Variants in GPC5 observed in about 807,000 individuals in gnomAD.
GPC5 encodes the protein glypican 5.
Under a neutral mutation model 53.9 loss-of-function variants are expected in GPC5, and 47 were observed. The observed-to-expected ratio is 0.87, with a 90% CI of 0.69 to 1.11. The LOEUF (loss-of-function observed/expected upper bound fraction) is 1.11, where lower values mean the gene tolerates loss of function less well. GPC5 is among the 50% of genes most tolerant of loss of function. The probability of loss-of-function intolerance (pLI) is 0.00; values close to 1 mark genes in which losing one functional copy is unlikely to be tolerated. For synonymous variants in GPC5, 286 were observed against 263.3 expected (o/e 1.09, Z -0.84); for missense variants, 748 against 713.1 (o/e 1.05, Z -0.56).
intron 7 of GPC5, among the ~76,000 whole-genome samples, chr13:92,522,779 G>A (rs1881114388): frequency 6.6e-6 from 1 of 151,778 alleles, no homozygotes; most frequent in Non-Finnish European, 1.5e-5. Flanking sequence ...AAAAATAGTT[G>A]AAAATAAAAA....
At chr13:91,944,075 ATTTCTT>A (rs919608950) in intron 6 of GPC5, among the ~76,000 whole-genome samples, 5 of 151,528 alleles carry the variant, frequency 3.3e-5, no homozygotes. Flanking sequence ...GTGGCAGGAT[ATTTCTT>A]TTTCTTTTTC....
chr13:91,849,307 CTTGT>C (rs1404822917), intron 5 of GPC5, among the ~76,000 whole-genome samples: 3 of 152,156 alleles, frequency 2.0e-5, no homozygotes, highest in Non-Finnish European at 4.4e-5. Context: ...ACTTTCCAGG[CTTGT>C]TTATCCCAGA....
chr13:92,804,201 C>A (rs989930275), intron 7 of GPC5, among the ~76,000 whole-genome samples: 19 of 151,912 alleles, frequency 1.3e-4, no homozygotes, highest in Admixed American at 7.9e-4. Flanking sequence ...TCTTCTAGAG[C>A]CCTTGGATGA....
At chr13:92,566,318 GT>G (rs993320190) in intron 7 of GPC5, among the ~76,000 whole-genome samples, 1 of 152,194 alleles carries the variant, frequency 6.6e-6, no homozygotes, top group Admixed American at 6.6e-5. Context: ...AAATCAAAAT[GT>G]TTGGAGATAT....
intron 6 of GPC5, among the ~76,000 whole-genome samples, chr13:91,916,481 A>G (rs927200682): frequency 2.0e-5 from 3 of 152,238 alleles, no homozygotes; most frequent in Non-Finnish European, 4.4e-5. Context: ...AACAGTGGAT[A>G]TGCTACAATG....
intron 7 of GPC5, among the ~76,000 whole-genome samples, chr13:92,763,653 G>A (rs1487739492): frequency 6.6e-6 from 1 of 152,154 alleles, no homozygotes; most frequent in East Asian, 1.9e-4. Context: ...TTTGCCACCT[G>A]GGTCTTGTGG....
At chr13:92,818,696 G>A (rs1877569744) in intron 7 of GPC5, among the ~76,000 whole-genome samples, 1 of 151,988 alleles carries the variant, frequency 6.6e-6, no homozygotes, top group African/African-American at 2.4e-5. Flanking sequence ...TATTTTTGCA[G>A]AAGATCTGTA....
chr13:91,780,735 A>G (rs537153946), intron 5 of GPC5, among the ~76,000 whole-genome samples: 1 of 152,326 alleles, frequency 6.6e-6, no homozygotes, highest in Non-Finnish European at 1.5e-5. Flanking sequence ...TTTTTATTTG[A>G]ACACTTGCAT....
intron 6 of GPC5, among the ~76,000 whole-genome samples, chr13:92,028,167 AT>A (rs995116361): frequency 3.3e-5 from 5 of 152,076 alleles, no homozygotes; most frequent in East Asian, 3.9e-4. Context: ...GATGATTAAC[AT>A]TTTTTTAAAT....
chr13:92,197,624 A>G (rs1471000791), intron 7 of GPC5, among the ~76,000 whole-genome samples: 1 of 151,628 alleles, frequency 6.6e-6, no homozygotes, highest in Non-Finnish European at 1.5e-5. Context: ...CTTCCTCCCA[A>G]GTAGCCTGAA....
At chr13:92,787,483 A>G (rs1201423190) in intron 7 of GPC5, among the ~76,000 whole-genome samples, 1 of 151,768 alleles carries the variant, frequency 6.6e-6, no homozygotes, top group East Asian at 1.9e-4. Context: ...GTTTCAGTCA[A>G]AGGGAAAACA....
intron 7 of GPC5, among the ~76,000 whole-genome samples, chr13:92,403,334 C>G (rs1216426132): frequency 2.0e-5 from 3 of 152,140 alleles, no homozygotes; most frequent in Non-Finnish European, 4.4e-5. Context: ...AATCAGGGGA[C>G]CCCAAGCCAT....
chr13:91,435,358 C>A (rs1434916584), intron 1 of GPC5, among the ~76,000 whole-genome samples: 1 of 152,058 alleles, frequency 6.6e-6, no homozygotes, highest in Non-Finnish European at 1.5e-5. Context: ...GAGATTTGTC[C>A]CATCAATACC....
chr13:92,104,128 A>G (rs952170868), intron 6 of GPC5, among the ~76,000 whole-genome samples: 6 of 152,200 alleles, frequency 3.9e-5, no homozygotes, highest in Non-Finnish European at 8.8e-5. Flanking sequence ...GGGAACTGCC[A>G]GGTTAAACAA....
intron 7 of GPC5, among the ~76,000 whole-genome samples, chr13:92,165,242 A>G (rs1443267266): frequency 1.3e-5 from 2 of 152,208 alleles, no homozygotes; most frequent in Non-Finnish European, 2.9e-5. Flanking sequence ...ATCAGGCTGC[A>G]AATTTTCTGA....
intron 7 of GPC5, among the ~76,000 whole-genome samples, chr13:92,435,625 C>T (rs182712148): frequency 2.0e-5 from 3 of 152,224 alleles, no homozygotes; most frequent in Admixed American, 2.0e-4. Context: ...CATGGGCCAA[C>T]AACTATGGGG....
intron 7 of GPC5, among the ~76,000 whole-genome samples, chr13:92,203,648 A>G (rs1195110694): frequency 1.7e-5 from 2 of 115,326 alleles, no homozygotes; most frequent in African/African-American, 5.3e-5. Flanking sequence ...AAAAAAATAT[A>G]TATATATAAA....
chr13:91,791,747 A>G (rs1333283044), intron 5 of GPC5, among the ~76,000 whole-genome samples: 1 of 151,876 alleles, frequency 6.6e-6, no homozygotes, highest in Non-Finnish European at 1.5e-5. Context: ...CCAGCATCCT[A>G]TCAGTCACTA....
chr13:92,750,738 A>T (rs1248868596), intron 7 of GPC5, among the ~76,000 whole-genome samples: 3 of 152,204 alleles, frequency 2.0e-5, no homozygotes, highest in Non-Finnish European at 4.4e-5. Flanking sequence ...AATTCAGTTC[A>T]TTCTGAGTTA....
Sources: allele counts gnomAD v4.1 joint callset (sites outside exome capture counted in the v4.1 genomes callset), GRCh38; gene constraint gnomAD v4.1.1; transcripts MANE v1.5; gene names NCBI Gene and HGNC (gene_info 2026-07-23, HGNC 2026-07-21).